Variants in KLHL14 observed in about 807,000 individuals in gnomAD.
KLHL14 encodes the protein kelch-like protein 14.
Under a neutral mutation model 64.3 loss-of-function variants are expected in KLHL14, and 22 were observed. The observed-to-expected ratio is 0.34, with a 90% CI of 0.24 to 0.49. The LOEUF (loss-of-function observed/expected upper bound fraction) is 0.49. KLHL14 is among the 20% of genes least tolerant of loss of function. The pLI is 0.99. For synonymous variants in KLHL14, 322 were observed against 333.4 expected (o/e 0.97, Z 0.37); for missense variants, 661 against 789.0 (o/e 0.84, Z 1.94).
At chr18:32,695,411 TC>T (rs1424934914) in intron 4 of KLHL14, 51 bp downstream of exon 4, 1 of 1,100,250 alleles carries the variant, frequency 9.1e-7, no homozygotes, top group Non-Finnish European at 1.4e-6. Flanking sequence ...CTGATGCCCT[TC>T]ATTACACACA....
At chr18:32,687,310 G>T in intron 4 of KLHL14, 77 bp from the exon 5 acceptor site, 1 of 1,126,692 alleles carries the variant, frequency 8.9e-7, no homozygotes, top group Non-Finnish European at 1.4e-6. Context: ...TTTATCAGAC[G>T]TCTCTATTCT....
chr18:32,686,571 A>AT (rs2144474879), intron 5 of KLHL14, among the ~76,000 whole-genome samples: 1 of 152,094 alleles, frequency 6.6e-6, no homozygotes, highest in Non-Finnish European at 1.5e-5. Context: ...TGCAAGACTA[A>AT]TTTTTTTTAA....
chr18:32,702,244 A>G (rs935269416), intron 3 of KLHL14, among the ~76,000 whole-genome samples: 10 of 152,244 alleles, frequency 6.6e-5, no homozygotes, highest in African/African-American at 2.4e-4. Context: ...AAATTCAAAT[A>G]GCAATTACAT....
intron 4 of KLHL14, among the ~76,000 whole-genome samples, chr18:32,690,989 G>T (rs2049904827): frequency 6.6e-6 from 1 of 152,170 alleles, no homozygotes; most frequent in African/African-American, 2.4e-5. Context: ...TCCACCTCAA[G>T]AAAGAGTTGT....
intron 2 of KLHL14, among the ~76,000 whole-genome samples, chr18:32,756,775 A>G (rs1278680116): frequency 2.0e-5 from 3 of 152,236 alleles, no homozygotes; most frequent in African/African-American, 7.2e-5. Context: ...GAAGTTTGTC[A>G]GGATTCTAGG....
At chr18:32,739,703 TAG>T (rs34640744) in intron 3 of KLHL14, among the ~76,000 whole-genome samples, 32,006 of 151,732 alleles carry the variant, frequency 0.21, 3,831 homozygotes, top group Middle Eastern at 0.28. Context: ...ATCTAATAAA[TAG>T]AGTCAATAGA....
chr18:32,735,142 C>T (rs1466661046), intron 3 of KLHL14, among the ~76,000 whole-genome samples: 1 of 152,170 alleles, frequency 6.6e-6, no homozygotes, highest in East Asian at 1.9e-4. Context: ...ACCTCAAGTA[C>T]ATTGGATCCG....
chr18:32,755,851 G>A (rs2050278881), intron 2 of KLHL14, among the ~76,000 whole-genome samples: 1 of 152,072 alleles, frequency 6.6e-6, no homozygotes, highest in African/African-American at 2.4e-5. Flanking sequence ...CTGGAATTGA[G>A]GAAAAAGGAT....
chr18:32,693,413 C>CACAGAGAGAGAG (rs1229737083), intron 4 of KLHL14, among the ~76,000 whole-genome samples: 24 of 97,034 alleles, frequency 2.5e-4, no homozygotes, highest in African/African-American at 9.2e-4. Context: ...CACACACACA[C>CACAGAGAGAGAG]AGAGAGAGAG....
intron 4 of KLHL14, among the ~76,000 whole-genome samples, chr18:32,693,542 A>G (rs1254628702): frequency 1.3e-5 from 2 of 152,178 alleles, no homozygotes; most frequent in East Asian, 3.8e-4. Context: ...CCTAGTGGTT[A>G]CAGCAAAGAA....
chr18:32,726,485 G>T (rs530893945), intron 3 of KLHL14, among the ~76,000 whole-genome samples: 1 of 151,984 alleles, frequency 6.6e-6, no homozygotes, highest in Non-Finnish European at 1.5e-5. Context: ...TTAGCCAGGC[G>T]TGGTCGTGGG....
At chr18:32,752,988 TG>T (rs2050264231) in intron 2 of KLHL14, among the ~76,000 whole-genome samples, 1 of 151,420 alleles carries the variant, frequency 6.6e-6, no homozygotes, top group Non-Finnish European at 1.5e-5. Flanking sequence ...TGTGTGTGTG[TG>T]TGTGTGTCTT....
intron 3 of KLHL14, among the ~76,000 whole-genome samples, chr18:32,736,529 C>G (rs1033980899): frequency 6.6e-6 from 1 of 151,616 alleles, no homozygotes; most frequent in East Asian, 1.9e-4. Flanking sequence ...TTTCAGTAAC[C>G]CTGAAAACAA....
rs771600438 is a variant in KLHL14, at chr18:32,770,299, G to GGCT, written c.290_292dup (p.Gln97dup). 1.3e-6 allele frequency: 2 copies of GGCT among 1,586,402 alleles called. No individual in the cohort carries two copies. The highest frequency in any genetic ancestry group is 1.7e-6 in the Non-Finnish European group (2 of 1,166,130). ...AGTCCCGGGCTCCTCCTGCGGCGGC[G>GGCT]GCTGCTGCTGCTGTGACGGCTGCTG... is the stretch of plus-strand genomic sequence containing the variant. On this transcript the variant is annotated inframe_insertion, in exon 2 of 9. Transcript: ENST00000359358. The surrounding 1 kb of genome is among the most constrained non-coding windows in gnomAD (Gnocchi z 6.7).
intron 3 of KLHL14, among the ~76,000 whole-genome samples, chr18:32,697,442 A>C (rs767242433): frequency 6.6e-5 from 10 of 152,220 alleles, no homozygotes; most frequent in Non-Finnish European, 1.2e-4. Context: ...AATTCACATG[A>C]GATACAGTGC....
chr18:32,732,831 G>C (rs976313999), intron 3 of KLHL14, among the ~76,000 whole-genome samples: 3 of 152,206 alleles, frequency 2.0e-5, no homozygotes, highest in Admixed American at 6.5e-5. Flanking sequence ...AACTGAGATA[G>C]AAGAGTAGAA....
chr18:32,742,042 A>T lies in KLHL14; in HGVS notation c.955T>A (p.Ser319Thr), dbSNP rs779339180. 1.9e-6 allele frequency: 3 copies of T among 1,612,592 alleles called. No individual in the cohort carries two copies. Among genetic ancestry groups the T allele is most frequent in the African/African-American group, 2.7e-5 (2 of 74,938 alleles). ...CRQSLASRIRSNKKMLLLVGG... is the reference protein window; with the variant it reads ...CRQSLASRIRTNKKMLLLVGG... ...ACCAATAACAGCATTTTCTTGTTAGAGCGAATTCTTCACCCAAAACAAAAG... is the reference window on the plus strand; with the variant it reads ...ACCAATAACAGCATTTTCTTGTTAGTGCGAATTCTTCACCCAAAACAAAAG... The change falls in exon 3 of 9, where the codon TCT (serine) becomes ACT (threonine). Residue 319 changes from serine (S) to threonine (T), a missense_variant. Physicochemically the swap from Ser to Thr is moderately conservative, Grantham distance 58 (BLOSUM62 1). Coordinates refer to ENST00000359358, the MANE Select transcript of KLHL14 (RefSeq NM_020805.3).
chr18:32,702,738 A>G (rs183076534), intron 3 of KLHL14, among the ~76,000 whole-genome samples: 182 of 143,108 alleles, frequency 1.3e-3, no homozygotes, highest in African/African-American at 4.3e-3. Flanking sequence ...TTAACTCTGT[A>G]AGAGTTTTTA....
At chr18:32,715,955 G>A (rs193041608) in intron 3 of KLHL14, among the ~76,000 whole-genome samples, 98 of 152,252 alleles carry the variant, frequency 6.4e-4, no homozygotes, top group African/African-American at 2.3e-3. Context: ...GTCTATAGGT[G>A]GATCTTCAAT....
Sources: allele counts gnomAD v4.1 joint callset (sites outside exome capture counted in the v4.1 genomes callset), GRCh38; gene constraint gnomAD v4.1.1; non-coding constraint Gnocchi (gnomAD v3.1); transcripts MANE v1.5; gene names NCBI Gene and HGNC (gene_info 2026-07-23, HGNC 2026-07-21).